POMT1: variants seen among roughly 807,000 people sequenced by gnomAD.
POMT1 encodes the protein protein O-mannosyltransferase 1.
Under a neutral mutation model 101.6 loss-of-function variants are expected in POMT1, and 85 were observed. The observed-to-expected ratio is 0.84, with a 90% confidence interval of 0.70 to 1.00. The LOEUF (loss-of-function observed/expected upper bound fraction) is 1.00. Among genes scored for constraint, POMT1 ranks in the 50% least tolerant of loss-of-function variants. The pLI is 0.00. For missense variants in POMT1, 857 were observed against 930.4 expected (o/e 0.92, Z 1.03); for synonymous variants, 371 against 383.0 (o/e 0.97, Z 0.37).
intron 12 of POMT1, among the ~76,000 whole-genome samples, 197 bp from the exon 13 acceptor site, chr9:131,515,229 G>T (rs192388207): frequency 3.1e-4 from 47 of 152,322 alleles, no homozygotes; most frequent in Admixed American, 9.1e-4. Context: ...AGGGCCTCCT[G>T]CCTGTTTAGT....
rs1947492087 is a variant in POMT1, at chr9:131,513,126, A to T, written c.1083-113A>T. ...TGTGTTCACCTCATGTGAGGCACAC[A>T]TGGGTTGGGAGGCAGTCTCAGCCAT... On this transcript the variant is annotated intron_variant, in intron 11 of 19. Coordinates refer to ENST00000402686, the MANE Select transcript of POMT1 (RefSeq NM_001077365.2). 3 of 845,380 alleles carry T rather than the reference A, an allele frequency of 3.5e-6. No homozygotes were observed. The East Asian group carries it at 7.7e-5, about 22-fold the overall frequency. 52.4% of individuals were successfully genotyped at this position (845,380 alleles called of 1,614,324 possible).
At position 131,514,601 on chromosome 9, in the gene POMT1, A is replaced by G. The variant is rs1482915834; in HGVS notation, c.1176-825A>G. ...TGTTCACAGCTGGGTGGCTGCTCCT[A>G]GACAGTGCCAGGTGCATGGTGCGGT... is the stretch of plus-strand genomic sequence containing the variant. On this transcript the variant is annotated intron_variant, in intron 12 of 19. Transcript: ENST00000402686. Among the ~76,000 whole-genome samples, 7 of 152,330 alleles carry G rather than the reference A, an allele frequency of 4.6e-5. No individual in the cohort carries two copies. The South Asian group carries it at 1.4e-3, about 32-fold the overall frequency.
At chr9:131,513,843 C>G (rs1947681347) in intron 12 of POMT1, among the ~76,000 whole-genome samples, 1 of 152,186 alleles carries the variant, frequency 6.6e-6, no homozygotes, top group African/African-American at 2.4e-5. Flanking sequence ...TGACTGCTCT[C>G]TCCACCGCCT....
chr9:131,504,365 G>C (rs753411539), intron 2 of POMT1, 25 bp downstream of exon 2: 5 of 1,614,022 alleles, frequency 3.1e-6, no homozygotes, highest in Non-Finnish European at 1.7e-6. Context: ...TCCATTCCCA[G>C]GGTGAATCTA....
At chr9:131,518,420 T>G in intron 13 of POMT1, 25 bp from the exon 14 acceptor site, 1 of 1,574,486 alleles carries the variant, frequency 6.4e-7, no homozygotes, top group South Asian at 1.1e-5. Context: ...AGGAATGAAA[T>G]AATCCTTGAG....
intron 7 of POMT1, 21 bp from the exon 8 acceptor site, chr9:131,509,882 A>T (rs767001810): frequency 6.2e-7 from 1 of 1,613,982 alleles, no homozygotes; most frequent in South Asian, 1.1e-5. Flanking sequence ...TGTTAACTCC[A>T]TTTCTGTCAT....
At chr9:131,504,116 C>G in intron 1 of POMT1, 73 bp from the exon 2 acceptor site, 1 of 1,568,894 alleles carries the variant, frequency 6.4e-7, no homozygotes, top group Non-Finnish European at 8.8e-7. Context: ...TGTCCGGGAG[C>G]CGGGTGGCTG....
intron 13 of POMT1, 129 bp downstream of exon 13, chr9:131,515,651 C>A: frequency 1.2e-6 from 1 of 855,204 alleles, no homozygotes; most frequent in Non-Finnish European, 1.9e-6. Context: ...TCACACGGAG[C>A]ACTTCCTCTA....
Position 131,510,010 on chromosome 9 carries a change from T to G in POMT1, c.699+14T>G, listed in dbSNP as rs370038491. On this transcript the variant is annotated intron_variant, in intron 8 of 19. Transcript: ENST00000402686. ...ACTTTGTCCAATGTAGGTGCTGATG[T>G]CCAGTGCTGCATGAGGCCGGCCTGT... 2 of 1,614,218 alleles carry G rather than the reference T, an allele frequency of 1.2e-6. No individual in the cohort carries two copies. The highest frequency in any genetic ancestry group is 1.7e-6 in the Non-Finnish European group (2 of 1,180,034).
intron 6 of POMT1, 123 bp from the exon 7 acceptor site, chr9:131,509,620 C>A: frequency 6.3e-7 from 1 of 1,576,938 alleles, no homozygotes; most frequent in Non-Finnish European, 8.6e-7. Context: ...TTTCTTACTG[C>A]CCCTGTGGCT....
chr9:131,508,803 C>A (rs1172680067), intron 5 of POMT1, 108 bp from the exon 6 acceptor site: 1 of 775,590 alleles, frequency 1.3e-6, no homozygotes, highest in Non-Finnish European at 2.3e-6. Context: ...AACAGCCCCA[C>A]ACAGTTGTAT....
At chr9:131,504,363 C>T in intron 2 of POMT1, 23 bp downstream of exon 2, 1 of 1,614,144 alleles carries the variant, frequency 6.2e-7, no homozygotes, top group Non-Finnish European at 8.5e-7. Context: ...ACTCCATTCC[C>T]AGGGTGAATC....
At position 131,522,853 on chromosome 9, in the gene POMT1, C is replaced by T; in HGVS notation, c.2004-79C>T. On this transcript the variant is annotated intron_variant, in intron 19 of 19. Transcript: ENST00000402686. The surrounding 1 kb of genome is among the most constrained non-coding windows in gnomAD (Gnocchi z 5.5). ...AGGCCTCGGGGGGTGACCGTGTGGACAGCAGATGCCAAGAGGGTGCCGGGC... is the reference window on the plus strand; with the variant it reads ...AGGCCTCGGGGGGTGACCGTGTGGATAGCAGATGCCAAGAGGGTGCCGGGC... The T allele has an allele frequency of 2.1e-6, 3 of 1,413,902 alleles. No individual in the cohort carries two copies. The highest frequency in any genetic ancestry group is 1.2e-5 in the South Asian group (1 of 81,436). 87.6% of individuals were successfully genotyped at this position (1,413,902 alleles called of 1,614,324 possible). A position where few individuals can be genotyped will look rare whatever the true frequency, so the allele number is the denominator to read the frequency against.
At chr9:131,512,242 T>A in intron 11 of POMT1, 106 bp downstream of exon 11, 1 of 1,538,016 alleles carries the variant, frequency 6.5e-7, no homozygotes. Flanking sequence ...CCTCACTGAC[T>A]CTAGTCACCG....
rs747129906 is a variant in POMT1, at chr9:131,509,930, C to T, written c.633C>T (p.Tyr211=). ...VGIKYMGVFT[Y]VLVLGVAAVH... ...TCAAGTACATGGGTGTGTTCACGTA[C>T]GTGCTCGTGCTGGGTGTTGCAGCTG... Residue 211 remains tyrosine, a synonymous_variant, in exon 8 of 20, where the codon TAC becomes TAT. Coordinates refer to ENST00000402686, the MANE Select transcript of POMT1 (RefSeq NM_001077365.2). 23 of 1,614,108 alleles carry T rather than the reference C, an allele frequency of 1.4e-5. No homozygotes were observed. In the South Asian group the frequency reaches 1.8e-4, roughly 12 times the overall value.
Position 131,515,784 on chromosome 9 carries a change from G to C in POMT1, c.1272+262G>C, listed in dbSNP as rs113878457. Among the ~76,000 whole-genome samples the C allele has an allele frequency of 0.17, 2,625 of 15,022 alleles. 507 individuals carry two copies. The highest frequency in any genetic ancestry group is 0.32 in the East Asian group (88 of 278). 9.9% of individuals were successfully genotyped at this position (15,022 alleles called of 152,430 possible). A position where few individuals can be genotyped will look rare whatever the true frequency, so the allele number is the denominator to read the frequency against. The stretch of plus-strand genomic sequence containing the variant: ...CTTCCTCTAACATGGAGCACTTCCT[G>C]TAACACAGGACACTTCCTCACACGG... On this transcript the variant is annotated intron_variant, in intron 13 of 19. Transcript: ENST00000402686.
At chr9:131,506,923 C>T (rs954994601) in intron 4 of POMT1, 16 of 243,080 alleles carry the variant, frequency 6.6e-5, no homozygotes, top group South Asian at 2.5e-4. Flanking sequence ...AAAAATTAGC[C>T]GGGCGTGGTG....
At position 131,521,337 on chromosome 9, in the gene POMT1, T is replaced by C; in HGVS notation, c.1699-9T>C. 2 of 1,614,172 alleles carry C rather than the reference T, an allele frequency of 1.2e-6. No individual in the cohort carries two copies. Among genetic ancestry groups the C allele is most frequent in the Non-Finnish European group, 1.7e-6 (2 of 1,180,002 alleles). ...CAGGTGGCTAACAGCATCTCCCATG[T>C]TCCCTTAGGCTCAGATCCACCTACT... On this transcript the variant is annotated splice_polypyrimidine_tract_variant and intron_variant, in intron 17 of 19. Coordinates refer to ENST00000402686, the MANE Select transcript of POMT1 (RefSeq NM_001077365.2).
In POMT1 at chr9:131,506,225, G is replaced by A; in HGVS notation, c.229+5G>A. ...ACATGGTGCTGGCCTTGGGAGGTAG[G>A]AGTCATCAGGAGAGTAGCCCCTACC... On this transcript the variant is annotated splice_donor_5th_base_variant and intron_variant, in intron 3 of 19. Transcript: ENST00000402686. The A allele has an allele frequency of 2.5e-6, 4 of 1,612,862 alleles. No homozygotes were observed. The highest frequency in any genetic ancestry group is 1.1e-5 in the South Asian group (1 of 91,032).
Sources: gnomAD v4.1 joint callset for allele counts (sites outside exome capture counted in the v4.1 genomes callset) on GRCh38, gnomAD v4.1.1 for gene constraint, Gnocchi (gnomAD v3.1) non-coding constraint, MANE v1.5 for transcripts, NCBI Gene and HGNC (gene_info 2026-07-23, HGNC 2026-07-21) for gene names.